Variants in SLC25A21 observed in about 807,000 individuals in gnomAD.
SLC25A21 encodes mitochondrial 2-oxodicarboxylate carrier.
SLC25A21 carries 47 observed loss-of-function variants against 43.8 expected under a neutral mutation model. The observed-to-expected ratio is 1.07, with a 90% CI of 0.85 to 1.37. The LOEUF is 1.37. Ranked by LOEUF, SLC25A21 falls within the 40% of genes most tolerant of loss-of-function variation. The probability of loss-of-function intolerance (pLI) is 0.00; values close to 1 mark genes in which losing one functional copy is unlikely to be tolerated. For missense variants in SLC25A21, 352 were observed against 350.2 expected (o/e 1.00, Z -0.04); for synonymous variants, 131 against 121.3 (o/e 1.08, Z -0.52).
At chr14:37,087,146 G>A (rs543565434) in intron 1 of SLC25A21, among the ~76,000 whole-genome samples, 2 of 152,168 alleles carry the variant, frequency 1.3e-5, no homozygotes, top group South Asian at 2.1e-4. Context: ...CCCTTTTGAT[G>A]ACTGCTAGTT....
intron 1 of SLC25A21, among the ~76,000 whole-genome samples, chr14:37,004,271 G>A (rs1174069370): frequency 1.3e-5 from 2 of 152,072 alleles, no homozygotes; most frequent in Non-Finnish European, 2.9e-5. Context: ...ATTCTATTTT[G>A]AAATGTCATC....
At chr14:37,088,411 G>A (rs945007461) in intron 1 of SLC25A21, among the ~76,000 whole-genome samples, 5 of 152,140 alleles carry the variant, frequency 3.3e-5, no homozygotes, top group Non-Finnish European at 7.4e-5. Context: ...CAATTAAAGA[G>A]ACTACAAAAA....
Position 36,979,333 on chromosome 14 carries a change from T to TTTG in SLC25A21, c.71-104330_71-104329insCAA, listed in dbSNP as rs1555340048. Among the ~76,000 whole-genome samples, 126 of 128,906 alleles carry TTTG rather than the reference T, an allele frequency of 9.8e-4. 1 individual carries two copies. Among genetic ancestry groups the TTTG allele is most frequent in the African/African-American group, 4.4e-3 (118 of 27,042 alleles). 84.6% of individuals were successfully genotyped at this position (128,906 alleles called of 152,430 possible). A position where few individuals can be genotyped will look rare whatever the true frequency, so the allele number is the denominator to read the frequency against. On this transcript the variant is annotated intron_variant, in intron 1 of 9. Transcript: ENST00000331299. ...ACCAATTAAGGTAGTGTTTTTTTGG[T>TTTG]TTTTTTTTTTACTGTTTTTGTTTGT...
intron 1 of SLC25A21, among the ~76,000 whole-genome samples, chr14:36,896,702 C>G (rs1278791895): frequency 6.6e-6 from 1 of 151,970 alleles, no homozygotes; most frequent in African/African-American, 2.4e-5. Flanking sequence ...ATGTTTAGTA[C>G]TTCCTTCAAG....
chr14:37,039,837 T>A (rs957772453), intron 1 of SLC25A21, among the ~76,000 whole-genome samples: 1 of 152,118 alleles, frequency 6.6e-6, no homozygotes, highest in Non-Finnish European at 1.5e-5. Context: ...GGGAGCCTTA[T>A]TAAAGACCAT....
Position 36,842,453 on chromosome 14 carries a change from T to C in SLC25A21, c.120-28452A>G, listed in dbSNP as rs376462325. Among the ~76,000 whole-genome samples, 36 of 152,258 alleles carry C rather than the reference T, an allele frequency of 2.4e-4. No individual in the cohort carries two copies. The East Asian group carries it at 6.0e-3, about 25-fold the overall frequency. ...TGGAAGCTGGATGTATAGGTGGAGT[T>C]CTGGCAGCTATTTTGCACCATGAAG... On this transcript the variant is annotated intron_variant, in intron 2 of 9. Transcript: ENST00000331299.
At chr14:36,764,079 A>AGAAAGAAAGAAAGAAGGAAGGAAGGAAG (rs1555326615) in intron 3 of SLC25A21, among the ~76,000 whole-genome samples, 1 of 41,866 alleles carries the variant, frequency 2.4e-5, no homozygotes, top group African/African-American at 2.0e-4. Context: ...AAAGAAAGAA[A>AGAAAGAAAGAAAGAAGGAAGGAAGGAAG]GAAGGAAGGA....
At chr14:36,689,291 A>G (rs922690742) in intron 7 of SLC25A21, among the ~76,000 whole-genome samples, 7 of 152,204 alleles carry the variant, frequency 4.6e-5, no homozygotes, top group Admixed American at 6.5e-5. Flanking sequence ...CCATGATTCA[A>G]CCATCTCCCA....
At chr14:36,722,071 C>T (rs1039129783) in intron 6 of SLC25A21, among the ~76,000 whole-genome samples, 3 of 152,172 alleles carry the variant, frequency 2.0e-5, no homozygotes, top group Admixed American at 1.3e-4. Context: ...TTACTACCCA[C>T]ATGTTGGAAG....
intron 1 of SLC25A21, among the ~76,000 whole-genome samples, chr14:37,100,629 C>T (rs1962799250): frequency 6.6e-6 from 1 of 152,194 alleles, no homozygotes; most frequent in Non-Finnish European, 1.5e-5. Context: ...ACTTCCCACA[C>T]CCAACACCAT....
chr14:37,161,558 G>A (rs1011251838), intron 1 of SLC25A21, among the ~76,000 whole-genome samples: 61 of 152,246 alleles, frequency 4.0e-4, no homozygotes, highest in African/African-American at 1.4e-3. Context: ...TTGGAAATAG[G>A]ATCTTTAAGG....
intron 1 of SLC25A21, among the ~76,000 whole-genome samples, chr14:37,103,951 C>T (rs931927742): frequency 1.3e-5 from 2 of 152,174 alleles, no homozygotes; most frequent in Non-Finnish European, 2.9e-5. Flanking sequence ...GTGATCCTGA[C>T]CCAAATCTGT....
At chr14:36,747,511 G>A (rs1237159107) in intron 3 of SLC25A21, among the ~76,000 whole-genome samples, 1 of 152,134 alleles carries the variant, frequency 6.6e-6, no homozygotes, top group Non-Finnish European at 1.5e-5. Context: ...GACGGCAGCT[G>A]GGGCAGAAAG....
chr14:36,681,557 A>AATC (rs1413322001), intron 9 of SLC25A21, among the ~76,000 whole-genome samples: 7 of 152,154 alleles, frequency 4.6e-5, no homozygotes, highest in Admixed American at 2.6e-4. Flanking sequence ...CCTTCAGGAT[A>AATC]ATCTCTTTTT....
chr14:37,164,330 T>C (rs1963996716), intron 1 of SLC25A21, among the ~76,000 whole-genome samples: 1 of 152,316 alleles, frequency 6.6e-6, no homozygotes, highest in East Asian at 1.9e-4. Context: ...GGTTGCTTCC[T>C]CCTATGTGCT....
intron 1 of SLC25A21, among the ~76,000 whole-genome samples, chr14:37,132,874 G>A (rs1963414376): frequency 6.6e-6 from 1 of 151,844 alleles, no homozygotes; most frequent in Non-Finnish European, 1.5e-5. Flanking sequence ...GGGACTACAG[G>A]CACACACCAC....
At chr14:37,032,273 C>T (rs952788753) in intron 1 of SLC25A21, among the ~76,000 whole-genome samples, 3 of 152,194 alleles carry the variant, frequency 2.0e-5, no homozygotes, top group South Asian at 2.1e-4. Flanking sequence ...CGGTGGCTCA[C>T]GCTTGTAATC....
At chr14:36,681,389 A>C (rs1304931424) in intron 9 of SLC25A21, among the ~76,000 whole-genome samples, 1 of 152,214 alleles carries the variant, frequency 6.6e-6, no homozygotes, top group Non-Finnish European at 1.5e-5. Context: ...AGAGCTACAT[A>C]ACTGGCTGTG....
At chr14:36,892,710 C>T (rs1367739318) in intron 1 of SLC25A21, among the ~76,000 whole-genome samples, 1 of 152,108 alleles carries the variant, frequency 6.6e-6, no homozygotes, top group East Asian at 1.9e-4. Flanking sequence ...CCCCCAACCC[C>T]ACAACTGGCC....
Sources: gnomAD v4.1 joint callset for allele counts (sites outside exome capture counted in the v4.1 genomes callset) on GRCh38, gnomAD v4.1.1 for gene constraint, MANE v1.5 for transcripts, NCBI Gene and HGNC (gene_info 2026-07-23, HGNC 2026-07-21) for gene names.